The following AUTS2 variants were observed in gnomAD, a reference collection of about 807,000 sequenced individuals.
The protein encoded by AUTS2 is autism susceptibility gene 2 protein.
In AUTS2, 17 loss-of-function variants were observed where a neutral mutation model predicts 112.4. The ratio of observed to expected loss-of-function variants is 0.15; its 90% CI spans 0.10 to 0.23. The LOEUF (loss-of-function observed/expected upper bound fraction) is 0.23, where lower values mean the gene tolerates loss of function less well. AUTS2 is among the 10% of genes least tolerant of loss of function. The pLI is 1.00. For missense variants in AUTS2, 1,510 were observed against 1,701.6 expected (o/e 0.89, Z 1.98); for synonymous variants, 751 against 702.7 (o/e 1.07, Z -1.09).
chr7:69,682,271 A>G (rs188224666), intron 1 of AUTS2, among the ~76,000 whole-genome samples: 69 of 152,330 alleles, frequency 4.5e-4, no homozygotes, highest in African/African-American at 1.5e-3. Flanking sequence ...AAAACTGAAC[A>G]GTAGAGATTA....
chr7:70,485,578 T>A (rs1421866284), intron 5 of AUTS2, among the ~76,000 whole-genome samples: 1 of 152,080 alleles, frequency 6.6e-6, no homozygotes, highest in Non-Finnish European at 1.5e-5. Context: ...AAAGTACTTA[T>A]CCATGTAACT....
At chr7:70,780,519 G>A (rs1415092504) in intron 14 of AUTS2, among the ~76,000 whole-genome samples, 7 of 152,020 alleles carry the variant, frequency 4.6e-5, no homozygotes, top group Non-Finnish European at 7.4e-5. Flanking sequence ...GGGACGACAG[G>A]CGTGCACCAC....
At chr7:70,040,433 G>A (rs768784259) in intron 2 of AUTS2, among the ~76,000 whole-genome samples, 7 of 152,188 alleles carry the variant, frequency 4.6e-5, no homozygotes, top group Non-Finnish European at 7.3e-5. Context: ...CTAAGAAGAC[G>A]ATGTTTAAAT....
At chr7:70,708,786 T>C (rs762941089) in intron 6 of AUTS2, among the ~76,000 whole-genome samples, 4 of 152,208 alleles carry the variant, frequency 2.6e-5, no homozygotes, top group African/African-American at 7.2e-5. Flanking sequence ...TTTTAAAAAT[T>C]GATGCTATTG....
intron 2 of AUTS2, among the ~76,000 whole-genome samples, chr7:70,066,079 G>A (rs1054474989): frequency 1.6e-4 from 24 of 152,158 alleles, no homozygotes; most frequent in African/African-American, 5.8e-4. Flanking sequence ...GCAATCTGTA[G>A]GACTATTTGG....
chr7:70,120,266 G>A (rs1411752417), intron 3 of AUTS2: 1 of 152,034 alleles, frequency 6.6e-6, no homozygotes, highest in Non-Finnish European at 1.5e-5. Flanking sequence ...ATGGAATAAA[G>A]TATAATTATT....
At chr7:70,612,269 A>AT (rs914290611) in intron 5 of AUTS2, among the ~76,000 whole-genome samples, 3 of 151,776 alleles carry the variant, frequency 2.0e-5, no homozygotes, top group South Asian at 4.2e-4. Flanking sequence ...TTGTTTAATA[A>AT]TTTTTTTTTA....
intron 5 of AUTS2, among the ~76,000 whole-genome samples, chr7:70,467,994 T>C (rs2115788063): frequency 6.6e-6 from 1 of 152,312 alleles, no homozygotes; most frequent in East Asian, 1.9e-4. Flanking sequence ...TTATCTGACA[T>C]GTGCCGGAGA....
intron 1 of AUTS2, among the ~76,000 whole-genome samples, chr7:69,643,625 T>C (rs1378242725): frequency 6.6e-6 from 1 of 152,158 alleles, no homozygotes; most frequent in Non-Finnish European, 1.5e-5. Context: ...TGTTCATTCT[T>C]CTGCCCGCCA....
chr7:69,781,446 A>G (rs994163593), intron 1 of AUTS2, among the ~76,000 whole-genome samples: 24 of 152,222 alleles, frequency 1.6e-4, no homozygotes, highest in African/African-American at 2.4e-5. Flanking sequence ...GTACCAGCAG[A>G]TAACACTCGG....
At chr7:70,042,517 A>C (rs1268957077) in intron 2 of AUTS2, among the ~76,000 whole-genome samples, 1 of 152,200 alleles carries the variant, frequency 6.6e-6, no homozygotes, top group Non-Finnish European at 1.5e-5. Flanking sequence ...TTGTGCATTA[A>C]ATACTGGAAC....
At chr7:69,784,006 T>TA (rs1056265935) in intron 1 of AUTS2, among the ~76,000 whole-genome samples, 20 of 152,334 alleles carry the variant, frequency 1.3e-4, no homozygotes, top group African/African-American at 4.6e-4. Flanking sequence ...TATGCTGCTA[T>TA]GACAGCCCCC....
chr7:69,781,361 A>C (rs1789136463), intron 1 of AUTS2, among the ~76,000 whole-genome samples: 1 of 152,244 alleles, frequency 6.6e-6, no homozygotes, highest in South Asian at 2.1e-4. Flanking sequence ...AATAATGAGA[A>C]AAGAGGGGGC....
At chr7:70,377,372 A>ATATG (rs1409919061) in intron 4 of AUTS2, among the ~76,000 whole-genome samples, 2 of 115,196 alleles carry the variant, frequency 1.7e-5, no homozygotes, top group African/African-American at 3.2e-5. Context: ...ATATATATAT[A>ATATG]TAGTGATATA....
chr7:70,465,179 A>C (rs776236199), intron 5 of AUTS2, among the ~76,000 whole-genome samples: 4 of 152,194 alleles, frequency 2.6e-5, no homozygotes, highest in Admixed American at 2.6e-4. Context: ...ACTTGGCCTC[A>C]GGAAGTTTTC....
intron 1 of AUTS2, among the ~76,000 whole-genome samples, chr7:69,715,995 C>CA (rs1562831823): frequency 6.6e-6 from 1 of 152,206 alleles, no homozygotes; most frequent in Non-Finnish European, 1.5e-5. Context: ...TTAACCACTA[C>CA]ACTGTCTGGC....
rs759233928 is a variant in AUTS2, at chr7:70,471,512, C to A, written c.690+35731C>A. On this transcript the variant is annotated intron_variant, in intron 5 of 18. Coordinates refer to ENST00000342771, the MANE Select transcript of AUTS2 (RefSeq NM_015570.4). ...AAGTCCCTCAAAATCATTTTATCAA[C>A]CTCCCTAATTTCAATTAATTTTTTA... Among the ~76,000 whole-genome samples, 3 of 152,146 alleles carry A rather than the reference C, an allele frequency of 2.0e-5. No homozygotes were observed. In the South Asian group the frequency reaches 6.2e-4, roughly 32 times the overall value.
intron 1 of AUTS2, among the ~76,000 whole-genome samples, chr7:69,673,022 C>T (rs1225592035): frequency 6.6e-6 from 1 of 152,110 alleles, no homozygotes; most frequent in Non-Finnish European, 1.5e-5. Flanking sequence ...TGTATTTAGA[C>T]CCATCATGTT....
At chr7:69,893,063 T>G (rs1397369396) in intron 1 of AUTS2, among the ~76,000 whole-genome samples, 1 of 152,232 alleles carries the variant, frequency 6.6e-6, no homozygotes, top group East Asian at 1.9e-4. Context: ...TTAGCCTGTT[T>G]CCCTGGATAA....
Sources: gnomAD v4.1 joint callset for allele counts (sites outside exome capture counted in the v4.1 genomes callset) on GRCh38, gnomAD v4.1.1 for gene constraint, MANE v1.5 for transcripts, NCBI Gene and HGNC (gene_info 2026-07-23, HGNC 2026-07-21) for gene names.